The following SPAG16 variants were observed in gnomAD, a reference collection of about 807,000 sequenced individuals.
SPAG16 encodes sperm associated antigen 16, also known as sperm-associated antigen 16 protein.
SPAG16 carries 86 observed loss-of-function variants against 80.4 expected under a neutral mutation model. The ratio of observed to expected loss-of-function variants is 1.07; its 90% CI spans 0.90 to 1.28. SPAG16 has a LOEUF of 1.28. Among genes scored for constraint, SPAG16 ranks in the 50% most tolerant of loss-of-function variants. The probability of loss-of-function intolerance (pLI) is 0.00; values close to 1 mark genes in which losing one functional copy is unlikely to be tolerated. For synonymous variants in SPAG16, 294 were observed against 265.9 expected, an observed-to-expected ratio of 1.11 and a Z score of -1.03; for missense variants, 870 against 765.3, an observed-to-expected ratio of 1.14 and a Z score of -1.61.
At chr2:213,940,883 A>G (rs549257475) in intron 12 of SPAG16, among the ~76,000 whole-genome samples, 5 of 152,150 alleles carry the variant, frequency 3.3e-5, no homozygotes, top group Admixed American at 6.5e-5. Context: ...AGGCTACATT[A>G]TGTTTGACTT....
At chr2:213,849,539 G>A (rs1424215658) in intron 10 of SPAG16, among the ~76,000 whole-genome samples, 1 of 152,118 alleles carries the variant, frequency 6.6e-6, no homozygotes, top group East Asian at 1.9e-4. Context: ...TTATTTATAT[G>A]TCATTACAAT....
intron 10 of SPAG16, among the ~76,000 whole-genome samples, chr2:213,689,186 C>T (rs1406140607): frequency 6.6e-6 from 1 of 152,196 alleles, no homozygotes; most frequent in Non-Finnish European, 1.5e-5. Context: ...TCTTGAATGC[C>T]TGACCTCGTG....
intron 10 of SPAG16, among the ~76,000 whole-genome samples, chr2:213,653,596 A>G (rs1051295472): frequency 6.6e-6 from 1 of 152,312 alleles, no homozygotes; most frequent in East Asian, 1.9e-4. Flanking sequence ...ATGAATTTCT[A>G]CTTATTGAGC....
At chr2:214,330,238 T>C (rs1227447335) in intron 15 of SPAG16, among the ~76,000 whole-genome samples, 4 of 150,524 alleles carry the variant, frequency 2.7e-5, no homozygotes, top group Non-Finnish European at 5.9e-5. Flanking sequence ...GATCACGCCA[T>C]TGCACTCCAG....
chr2:213,326,337 A>C (rs781533943), intron 5 of SPAG16, among the ~76,000 whole-genome samples: 3 of 152,044 alleles, frequency 2.0e-5, no homozygotes, highest in Non-Finnish European at 4.4e-5. Flanking sequence ...AAAAGGTCAA[A>C]GAGTGCCCAG....
chr2:213,610,198 ACTT>A (rs2061397727), intron 10 of SPAG16, among the ~76,000 whole-genome samples: 1 of 152,158 alleles, frequency 6.6e-6, no homozygotes, highest in Non-Finnish European at 1.5e-5. Flanking sequence ...TGCAAAATAT[ACTT>A]CTTTGACAAA....
intron 9 of SPAG16, among the ~76,000 whole-genome samples, chr2:213,390,735 A>T (rs2067698812): frequency 6.6e-6 from 1 of 152,202 alleles, no homozygotes; most frequent in South Asian, 2.1e-4. Context: ...TCTTTTGCTG[A>T]AGTTTTTAAA....
intron 15 of SPAG16, among the ~76,000 whole-genome samples, chr2:214,322,862 G>A (rs912553766): frequency 6.6e-6 from 1 of 152,106 alleles, no homozygotes; most frequent in Non-Finnish European, 1.5e-5. Context: ...CATCCTGGTG[G>A]CACTGACTGA....
rs1490872953 is a variant in SPAG16 at position 213,942,084 on chromosome 2, C to T, written c.1400+11939C>T. ...AGCCTTCCTCTTCTTTTCTTCTTCC[C>T]CTGAGTAGATGCCAAGGTCTTCCTC... is the stretch of plus-strand genomic sequence containing the variant. On this transcript the variant is annotated intron_variant, in intron 12 of 15. Transcript: ENST00000331683. 2.6e-5 allele frequency among the ~76,000 whole-genome samples: 4 copies of T among 152,034 alleles called. No homozygotes were observed. In the East Asian group the frequency reaches 7.7e-4, roughly 29 times the overall value.
At chr2:214,164,985 A>T (rs1281510057) in intron 15 of SPAG16, among the ~76,000 whole-genome samples, 1 of 152,092 alleles carries the variant, frequency 6.6e-6, no homozygotes, top group Non-Finnish European at 1.5e-5. Context: ...TGAGGAGGAG[A>T]TAGTTCATGA....
At chr2:213,656,219 G>A (rs2063216837) in intron 10 of SPAG16, among the ~76,000 whole-genome samples, 1 of 152,152 alleles carries the variant, frequency 6.6e-6, no homozygotes, top group Admixed American at 6.5e-5. Flanking sequence ...TTTTTGGGAC[G>A]GAGTCTCGCT....
At chr2:213,285,634 T>A (rs2062028155) in intron 1 of SPAG16, among the ~76,000 whole-genome samples, 1 of 152,218 alleles carries the variant, frequency 6.6e-6, no homozygotes, top group African/African-American at 2.4e-5. Context: ...TGACTCAGGC[T>A]CAGTACACAT....
chr2:213,681,297 C>T (rs2064366075), intron 10 of SPAG16, among the ~76,000 whole-genome samples: 1 of 152,112 alleles, frequency 6.6e-6, no homozygotes, highest in South Asian at 2.1e-4. Context: ...AAGTAAGTCA[C>T]AATATATAGG....
At chr2:213,565,887 C>T (rs555035734) in intron 10 of SPAG16, among the ~76,000 whole-genome samples, 4 of 152,274 alleles carry the variant, frequency 2.6e-5, no homozygotes, top group African/African-American at 9.6e-5. Context: ...TTGTTGAAGA[C>T]ATTTTGGTAG....
chr2:213,427,146 T>G (rs1226448267), intron 9 of SPAG16, among the ~76,000 whole-genome samples: 1 of 152,140 alleles, frequency 6.6e-6, no homozygotes, highest in African/African-American at 2.4e-5. Context: ...CAGCATTGTC[T>G]GGCACCTGTA....
rs192568456 is a variant in SPAG16, at chr2:213,615,288, G to T, written c.1070+125198G>T. On this transcript the variant is annotated intron_variant, in intron 10 of 15. Transcript: ENST00000331683. ...TATTCTTGAGATTTTGCTCATTGTA[G>T]CTGTCATTTAAAACAAACTTTAGGC... Among the ~76,000 whole-genome samples, 186 of 152,260 alleles carry T rather than the reference G, an allele frequency of 1.2e-3. 1 individual carries two copies. The highest frequency in any genetic ancestry group is 4.3e-3 in the African/African-American group (180 of 41,574).
At chr2:214,360,913 A>T (rs1428768081) in intron 15 of SPAG16, among the ~76,000 whole-genome samples, 2 of 151,810 alleles carry the variant, frequency 1.3e-5, no homozygotes, top group Non-Finnish European at 2.9e-5. Context: ...TTTTAGAGGA[A>T]GAGAAAATGA....
chr2:213,754,455 AT>A (rs1368003415), intron 10 of SPAG16, among the ~76,000 whole-genome samples: 4 of 152,206 alleles, frequency 2.6e-5, no homozygotes, highest in Admixed American at 2.6e-4. Context: ...ATAAAAACTC[AT>A]TTTAGCTTCA....
At chr2:214,056,951 A>G (rs1003668651) in intron 13 of SPAG16, among the ~76,000 whole-genome samples, 1 of 152,144 alleles carries the variant, frequency 6.6e-6, no homozygotes, top group Non-Finnish European at 1.5e-5. Context: ...CTTCTCATCC[A>G]TTAAAATTTT....
Sources: gnomAD v4.1 joint callset for allele counts (sites outside exome capture counted in the v4.1 genomes callset) on GRCh38, gnomAD v4.1.1 for gene constraint, MANE v1.5 for transcripts, NCBI Gene and HGNC (gene_info 2026-07-23, HGNC 2026-07-21) for gene names.